Variants in SAMD5 observed in about 807,000 individuals in gnomAD.
SAMD5 encodes sterile alpha motif domain-containing protein 5.
A neutral mutation model predicts 11.3 loss-of-function variants in SAMD5; 13 were observed. That is an observed-to-expected ratio of 1.15 (90% confidence interval 0.75 to 1.83). The LOEUF is 1.83. SAMD5 is among the 40% of genes most tolerant of loss of function. The probability of loss-of-function intolerance (pLI) is 0.00; values close to 1 mark genes in which losing one functional copy is unlikely to be tolerated. For missense variants in SAMD5, 255 were observed against 239.1 expected (o/e 1.07, Z -0.44); for synonymous variants, 129 against 111.3 (o/e 1.16, Z -1.00).
At chr6:147,919,608 G>GA in the SAMD5 span, among the ~76,000 whole-genome samples, 7 of 152,216 alleles carry the variant, frequency 4.6e-5, no homozygotes, top group African/African-American at 1.2e-4. Flanking sequence ...CTTTGGGGAG[G>GA]AAAAAACCAC....
At chr6:147,543,348 T>C (rs905893916) in intron 1 of SAMD5, among the ~76,000 whole-genome samples, 3 of 152,198 alleles carry the variant, frequency 2.0e-5, no homozygotes, top group Admixed American at 1.3e-4. Flanking sequence ...TTTCTTCCAT[T>C]GCTAGAGAAA....
At chr6:147,790,785 TCTCTCTCTCTCTCTCTC>T in the SAMD5 span, among the ~76,000 whole-genome samples, 292 of 112,634 alleles carry the variant, frequency 2.6e-3, 5 homozygotes, top group East Asian at 9.1e-3. Context: ...TCTCTCTCTC[TCTCTCTCTCTCTCTCTC>T]TCTCTCTCTC....
At chr6:147,519,821 A>C (rs2128439852) in intron 1 of SAMD5, among the ~76,000 whole-genome samples, 1 of 152,366 alleles carries the variant, frequency 6.6e-6, no homozygotes, top group South Asian at 2.1e-4. Context: ...CTTAACATGC[A>C]GCAATTAGCA....
Position 147,568,704 on chromosome 6 carries a change from G to A in SAMD5, c.*4248G>A. The A allele has an allele frequency of 2.0e-6, 2 of 985,112 alleles. No homozygotes were observed. The highest frequency in any genetic ancestry group is 2.4e-6 in the Non-Finnish European group (2 of 829,722). 61.0% of individuals were successfully genotyped at this position (985,112 alleles called of 1,614,324 possible). A position where few individuals can be genotyped will look rare whatever the true frequency, so the allele number is the denominator to read the frequency against. On this transcript the variant is annotated 3_prime_UTR_variant, in exon 2 of 2. Coordinates refer to ENST00000367474, the MANE Select transcript of SAMD5 (RefSeq NM_001030060.3). ...CAAATCTATTAGGCTTTCTCTTTTA[G>A]AGTTTTCTAATTTTACTCTTATTAG...
intron 1 of SAMD5, among the ~76,000 whole-genome samples, chr6:147,715,096 A>G (rs769209385): frequency 2.4e-4 from 36 of 152,064 alleles, no homozygotes; most frequent in Non-Finnish European, 1.6e-4. Flanking sequence ...GTGTCACGGG[A>G]TCTTTAGGGT....
At chr6:147,619,175 G>A (rs1384265090) in intron 1 of SAMD5, among the ~76,000 whole-genome samples, 4 of 152,164 alleles carry the variant, frequency 2.6e-5, no homozygotes, top group Non-Finnish European at 2.9e-5. Flanking sequence ...GCCGTGACGT[G>A]CACAAGACAT....
At chr6:147,788,781 G>A in the SAMD5 span, among the ~76,000 whole-genome samples, 2 of 152,066 alleles carry the variant, frequency 1.3e-5, no homozygotes, top group Non-Finnish European at 1.5e-5. Context: ...TTGATTTGAG[G>A]CCTATTAAAA....
chr6:147,547,429 C>G (rs995145752), intron 1 of SAMD5, among the ~76,000 whole-genome samples: 3 of 152,158 alleles, frequency 2.0e-5, no homozygotes, highest in African/African-American at 7.2e-5. Flanking sequence ...TTCCTTGCAG[C>G]TACAGACAGG....
At chr6:147,705,682 A>G (rs920553709) in intron 1 of SAMD5, among the ~76,000 whole-genome samples, 24 of 152,212 alleles carry the variant, frequency 1.6e-4, no homozygotes, top group African/African-American at 4.1e-4. Flanking sequence ...AAAATTCACC[A>G]TAACAACTGA....
the SAMD5 span, among the ~76,000 whole-genome samples, chr6:147,928,434 G>A: frequency 1.3e-5 from 2 of 152,076 alleles, no homozygotes; most frequent in Admixed American, 6.6e-5. Flanking sequence ...CCTCTTCTAG[G>A]TTTTCTAGTT....
the SAMD5 span, among the ~76,000 whole-genome samples, chr6:147,809,939 T>C: frequency 6.6e-6 from 1 of 152,198 alleles, no homozygotes; most frequent in Non-Finnish European, 1.5e-5. Context: ...GCATTTCATC[T>C]TTCATCTTTG....
the SAMD5 span, among the ~76,000 whole-genome samples, chr6:147,895,659 C>T: frequency 6.6e-6 from 1 of 152,288 alleles, no homozygotes; most frequent in South Asian, 2.1e-4. Flanking sequence ...CTTGACTTTG[C>T]TGCCAATCAT....
chr6:147,866,886 A>G, the SAMD5 span, among the ~76,000 whole-genome samples: 1 of 152,218 alleles, frequency 6.6e-6, no homozygotes, highest in Non-Finnish European at 1.5e-5. Context: ...ATTTCCTTTA[A>G]AAGCATATGA....
chr6:147,689,723 C>G (rs1459029617), intron 1 of SAMD5, among the ~76,000 whole-genome samples: 4 of 152,166 alleles, frequency 2.6e-5, no homozygotes, highest in Non-Finnish European at 5.9e-5. Context: ...AAAAACAATT[C>G]TGTTTCTTGA....
chr6:147,722,269 G>A lies in SAMD5; in HGVS notation c.163-15048G>A, dbSNP rs568634887. On this transcript the variant is annotated intron_variant, in intron 1 of 1. Transcript: ENST00000566741. ...TGGGGTCACTTCATTCCAGTATATA[G>A]TCGATTTGTGTTTTTTTTTTCCCAA... 4.0e-4 allele frequency among the ~76,000 whole-genome samples: 61 copies of A among 152,034 alleles called. 1 individual carries two copies. In the South Asian group the frequency reaches 0.013, roughly 32 times the overall value.
At chr6:147,633,640 A>G (rs1378965010) in intron 1 of SAMD5, among the ~76,000 whole-genome samples, 1 of 151,984 alleles carries the variant, frequency 6.6e-6, no homozygotes, top group Non-Finnish European at 1.5e-5. Context: ...TTCCATGCAA[A>G]GTATTGAACC....
intron 1 of SAMD5, among the ~76,000 whole-genome samples, chr6:147,665,895 TA>T (rs1437852817): frequency 1.3e-5 from 2 of 152,234 alleles, no homozygotes; most frequent in African/African-American, 4.8e-5. Flanking sequence ...ATGAAAAAGT[TA>T]TTTTTTTCCC....
chr6:147,613,270 G>A lies in SAMD5; in HGVS notation c.162+103883G>A, dbSNP rs183491076. ...CAGCTGTGTAGTACAGGAGGAGTGC[G>A]TCTAGTCAATGGGTTTTTGTCCTGT... On this transcript the variant is annotated intron_variant, in intron 1 of 1. Coordinates refer to the SAMD5 transcript ENST00000566741. Among the ~76,000 whole-genome samples the A allele has an allele frequency of 1.0e-3, 157 of 151,972 alleles. 4 individuals are homozygous for A. Among genetic ancestry groups the A allele is most frequent in the African/African-American group, 3.6e-3 (150 of 41,304 alleles).
chr6:147,681,122 G>A (rs1047714913), intron 1 of SAMD5, among the ~76,000 whole-genome samples: 4 of 151,904 alleles, frequency 2.6e-5, no homozygotes, highest in Non-Finnish European at 5.9e-5. Flanking sequence ...ATTTGGGCAT[G>A]GAATTTTATT....
Sources: gnomAD v4.1 joint callset for allele counts (sites outside exome capture counted in the v4.1 genomes callset) on GRCh38, gnomAD v4.1.1 for gene constraint, MANE v1.5 for transcripts, NCBI Gene and HGNC (gene_info 2026-07-23, HGNC 2026-07-21) for gene names.